MACF1: variants seen among roughly 807,000 people sequenced by gnomAD.
MACF1 encodes microtubule-actin cross-linking factor 1.
MACF1 carries 193 observed loss-of-function variants against 854.8 expected under a neutral mutation model. The observed-to-expected ratio is 0.23, with a 90% CI of 0.20 to 0.25. MACF1 has a LOEUF of 0.25. Ranked by LOEUF, MACF1 falls within the 10% of genes least tolerant of loss-of-function variation. The probability of loss-of-function intolerance (pLI) is 1.00; values close to 1 mark genes in which losing one functional copy is unlikely to be tolerated. For missense variants in MACF1, 7,722 were observed against 8,929.1 expected, an observed-to-expected ratio of 0.86 and a Z score of 5.45; for synonymous variants, 3,185 against 3,226.7, an observed-to-expected ratio of 0.99 and a Z score of 0.44.
At chr1:39,431,531 C>T (rs1428617104) in intron 66 of MACF1, among the ~76,000 whole-genome samples, 1 of 152,314 alleles carries the variant, frequency 6.6e-6, no homozygotes, top group East Asian at 1.9e-4. Context: ...CAGAAATTTG[C>T]TCTGAGTCCA....
chr1:39,143,235 G>A (rs986453426), intron 2 of MACF1, among the ~76,000 whole-genome samples: 1 of 152,100 alleles, frequency 6.6e-6, no homozygotes, highest in Admixed American at 6.5e-5. Context: ...TGTACCCCTT[G>A]TCTGTGGGCT....
intron 2 of MACF1, among the ~76,000 whole-genome samples, chr1:39,143,975 A>G (rs539699113): frequency 1.3e-5 from 2 of 151,506 alleles, no homozygotes; most frequent in African/African-American, 4.9e-5. Context: ...TTTTTAGTAG[A>G]GATGGGCTTT....
chr1:39,160,191 C>T (rs1643769595), intron 2 of MACF1, among the ~76,000 whole-genome samples: 1 of 152,054 alleles, frequency 6.6e-6, no homozygotes, highest in African/African-American at 2.4e-5. Flanking sequence ...GTGATATGCA[C>T]CTGTACCCTT....
At chr1:39,094,718 C>CA (rs78652109) in intron 2 of MACF1, among the ~76,000 whole-genome samples, 3,207 of 137,770 alleles carry the variant, frequency 0.023, 116 homozygotes, top group African/African-American at 0.077. Flanking sequence ...AACTCTGTCT[C>CA]AAAAAAAAAA....
chr1:39,389,302 A>G (rs1641930396), intron 58 of MACF1, among the ~76,000 whole-genome samples: 1 of 149,496 alleles, frequency 6.7e-6, no homozygotes. Flanking sequence ...TCAGATTACC[A>G]GATTTTGTAA....
At chr1:39,311,201 A>G (rs1243190304) in intron 26 of MACF1, among the ~76,000 whole-genome samples, 1 of 152,240 alleles carries the variant, frequency 6.6e-6, no homozygotes, top group Non-Finnish European at 1.5e-5. Context: ...AATGTTGATT[A>G]GTTTCCTACA....
In MACF1 at chr1:39,423,894, A is replaced by G. The variant is rs948865407; in HGVS notation, c.16150-134A>G. On this transcript the variant is annotated intron_variant, in intron 60 of 100. Transcript: ENST00000564288. ...GTGCTATATCTCCTGTTTTTGCCCC[A>G]AGGATGAAAAAAACTTCTTTTACTC... 6.2e-6 allele frequency: 4 copies of G among 649,470 alleles called. No homozygotes were observed. In the Admixed American group the frequency reaches 9.3e-5, roughly 15 times the overall value. 40.2% of individuals were successfully genotyped at this position (649,470 alleles called of 1,614,324 possible). A position where few individuals can be genotyped will look rare whatever the true frequency, so the allele number is the denominator to read the frequency against.
intron 2 of MACF1, among the ~76,000 whole-genome samples, chr1:39,113,371 A>G (rs549500518): frequency 1.3e-5 from 2 of 152,302 alleles, no homozygotes; most frequent in South Asian, 2.1e-4. Flanking sequence ...GTTGAAAACT[A>G]TAAACTCCAA....
At chr1:39,441,865 A>T in intron 74 of MACF1, 87 bp from the exon 75 acceptor site, 2 of 961,800 alleles carry the variant, frequency 2.1e-6, no homozygotes, top group South Asian at 2.7e-5. Context: ...TGATTGATTT[A>T]TGTCTTCTTA....
intron 2 of MACF1, among the ~76,000 whole-genome samples, chr1:39,248,910 A>G (rs1054722982): frequency 6.6e-6 from 1 of 151,316 alleles, no homozygotes. Context: ...TTTGTTTTGT[A>G]GAGAAGGGGG....
intron 2 of MACF1, among the ~76,000 whole-genome samples, chr1:39,106,447 CAA>C (rs1238372708): frequency 5.3e-5 from 8 of 152,146 alleles, no homozygotes; most frequent in Non-Finnish European, 1.2e-4. Flanking sequence ...TTTTGACAGA[CAA>C]GAGGGCCTGT....
chr1:39,410,407 A>G (rs2148611889), intron 58 of MACF1: 1 of 1,614,058 alleles, frequency 6.2e-7, no homozygotes, highest in Non-Finnish European at 8.5e-7. Flanking sequence ...AAATGAGCAA[A>G]TTGACCAGGG....
chr1:39,261,890 A>G (rs1345178888), intron 6 of MACF1, among the ~76,000 whole-genome samples: 1 of 152,222 alleles, frequency 6.6e-6, no homozygotes, highest in East Asian at 1.9e-4. Flanking sequence ...TTGTCTTGCA[A>G]AATGGTGTAT....
rs747647346 is a variant in MACF1 at position 39,204,866 on chromosome 1, A to G, written c.-157A>G. ...CTGCTGAAAAACAGTCAGAAGTGAG[A>G]TGGAGGAGAAGCTGCCAGGAAGTTT... On this transcript the variant is annotated 5_prime_UTR_variant, in exon 1 of 101. The change abolishes an upstream ATG in the 5' untranslated region. Transcript: ENST00000564288. The G allele has an allele frequency of 4.9e-6, 3 of 607,790 alleles. No homozygotes were observed. Among genetic ancestry groups the G allele is most frequent in the Admixed American group, 2.8e-5 (1 of 35,480 alleles). 37.6% of individuals were successfully genotyped at this position (607,790 alleles called of 1,614,324 possible). A position where few individuals can be genotyped will look rare whatever the true frequency, so the allele number is the denominator to read the frequency against.
rs566969549 is a variant in MACF1, at chr1:39,219,727, G to C, written c.110-11455G>C. Reference sequence around the variant, plus strand: ...AGCTGAATCTGTAGAGGGAATATCTGAGTGGGAGTACCTGCTCCCTGCTGA... The same window carrying C: ...AGCTGAATCTGTAGAGGGAATATCTCAGTGGGAGTACCTGCTCCCTGCTGA... On this transcript the variant is annotated intron_variant, in intron 1 of 100. Transcript: ENST00000564288. Among the ~76,000 whole-genome samples, 7 of 152,316 alleles carry C rather than the reference G, an allele frequency of 4.6e-5. No homozygotes were observed. The East Asian group carries it at 1.4e-3, about 29-fold the overall frequency.
Position 39,439,442 on chromosome 1 carries a change from A to C in MACF1, c.18389A>C (p.Asp6130Ala). Residue 6130 changes from aspartate (D) to alanine (A), a missense_variant, in exon 72 of 101, where the codon GAC becomes GCC. Around this residue, in one of 15 missense-constraint regions of MACF1, gnomAD observed 2,807 missense variants for 3,235.8 expected, o/e 0.87. Coordinates refer to ENST00000564288, the MANE Select transcript of MACF1 (RefSeq NM_001394062.1). ...TIKDTQDIVH[D>A]LESPGIDPSI... Reference sequence around the variant, plus strand: ...AAAGACACCCAGGATATTGTCCATGACTTGGAAAGCCCAGGCATTGATCCT... The same window carrying C: ...AAAGACACCCAGGATATTGTCCATGCCTTGGAAAGCCCAGGCATTGATCCT... 1 of 1,614,196 alleles carries C rather than the reference A, an allele frequency of 6.2e-7. No individual in the cohort carries two copies. Among genetic ancestry groups the C allele is most frequent in the South Asian group, 1.1e-5 (1 of 91,084 alleles).
rs745994357 is a variant in MACF1, at chr1:39,309,673, G to A, written c.2893G>A (p.Val965Ile). 3 of 1,613,992 alleles carry A rather than the reference G, an allele frequency of 1.9e-6. No individual in the cohort carries two copies. Among genetic ancestry groups the A allele is most frequent in the South Asian group, 1.1e-5 (1 of 91,050 alleles). The change falls in exon 24 of 101, where the codon GTA becomes ATA. Residue 965 changes from valine to isoleucine, a missense_variant. Around this residue, in one of 15 missense-constraint regions of MACF1, gnomAD observed 1,137 missense variants for 1,263.0 expected, o/e 0.90. Coordinates refer to ENST00000564288, the MANE Select transcript of MACF1 (RefSeq NM_001394062.1). Reference protein sequence around the residue: ...WNYLRKDLDLVQTWNLEKLRS... With the variant: ...WNYLRKDLDLIQTWNLEKLRS... ...CTATCTGCGTAAAGACCTTGACCTT[G>A]TACAGACCTGGAACCTAGAAAAGGT...
chr1:39,393,373 G>C (rs2148579739), intron 58 of MACF1, among the ~76,000 whole-genome samples: 1 of 151,830 alleles, frequency 6.6e-6, no homozygotes, highest in Non-Finnish European at 1.5e-5. Context: ...CACTCAGAAA[G>C]TATTTGATGG....
intron 6 of MACF1, among the ~76,000 whole-genome samples, chr1:39,275,571 C>T (rs1197456257): frequency 1.3e-5 from 2 of 152,086 alleles, no homozygotes; most frequent in African/African-American, 4.8e-5. Context: ...GGTAAAAATT[C>T]TGAAAATACC....
Sources: gnomAD v4.1 joint callset for allele counts (sites outside exome capture counted in the v4.1 genomes callset) on GRCh38, gnomAD v4.1.1 for gene constraint, gnomAD v4.1.1 regional missense constraint, MANE v1.5 for transcripts, NCBI Gene and HGNC (gene_info 2026-07-23, HGNC 2026-07-21) for gene names.